The following KCNH5 variants were observed in gnomAD, a reference collection of about 807,000 sequenced individuals.
KCNH5 encodes the protein voltage-gated delayed rectifier potassium channel KCNH5.
In KCNH5, 46 loss-of-function variants were observed where a neutral mutation model predicts 96.1. The observed-to-expected ratio is 0.48, with a 90% CI of 0.38 to 0.61. KCNH5 has a LOEUF of 0.61. KCNH5 is among the 20% of genes least tolerant of loss of function. The pLI is 0.00. For synonymous variants in KCNH5, 439 were observed against 449.8 expected (o/e 0.98, Z 0.30); for missense variants, 907 against 1,225.8 (o/e 0.74, Z 3.88).
intron 10 of KCNH5, among the ~76,000 whole-genome samples, chr14:62,715,158 A>C (rs1212630945): frequency 6.6e-6 from 1 of 152,208 alleles, no homozygotes; most frequent in Non-Finnish European, 1.5e-5. Context: ...AAGTGATATC[A>C]AAATTGAATA....
At chr14:62,747,720 C>G (rs1025296846) in intron 10 of KCNH5, among the ~76,000 whole-genome samples, 1 of 152,174 alleles carries the variant, frequency 6.6e-6, no homozygotes. Context: ...GTGCCAAGAC[C>G]CTGACTTAAC....
intron 10 of KCNH5, among the ~76,000 whole-genome samples, chr14:62,713,987 A>G (rs1161812606): frequency 6.6e-6 from 1 of 152,178 alleles, no homozygotes; most frequent in Non-Finnish European, 1.5e-5. Flanking sequence ...GTTTCCTTTT[A>G]AGAAGGGCCT....
chr14:62,780,068 T>G, intron 9 of KCNH5, 144 bp from the exon 10 acceptor site: 1 of 488,476 alleles, frequency 2.0e-6, no homozygotes, highest in Non-Finnish European at 3.4e-6. Flanking sequence ...CACATAACAA[T>G]ACACAATGCT....
chr14:62,938,807 C>A (rs759565432), intron 7 of KCNH5, among the ~76,000 whole-genome samples: 1 of 152,172 alleles, frequency 6.6e-6, no homozygotes, highest in Non-Finnish European at 1.5e-5. Flanking sequence ...CTGACTAAAA[C>A]GTCTGTTCTA....
intron 7 of KCNH5, among the ~76,000 whole-genome samples, chr14:62,908,407 C>G (rs1023874915): frequency 1.3e-5 from 2 of 152,164 alleles, no homozygotes; most frequent in Admixed American, 6.5e-5. Context: ...ACAAAAAGAG[C>G]CTCCCTGGCC....
intron 10 of KCNH5, among the ~76,000 whole-genome samples, chr14:62,774,267 T>A (rs1055990250): frequency 6.6e-6 from 1 of 152,140 alleles, no homozygotes; most frequent in African/African-American, 2.4e-5. Context: ...TCCTGACATA[T>A]GCCAAAATTC....
At chr14:62,906,886 A>T (rs1393396547) in intron 7 of KCNH5, among the ~76,000 whole-genome samples, 1 of 152,186 alleles carries the variant, frequency 6.6e-6, no homozygotes, top group Non-Finnish European at 1.5e-5. Context: ...AACCGACCCC[A>T]AAGTGTTCTC....
chr14:62,948,769 T>A (rs1489015666), intron 7 of KCNH5, among the ~76,000 whole-genome samples: 3 of 149,384 alleles, frequency 2.0e-5, no homozygotes, highest in Admixed American at 2.0e-4. Context: ...AATAAAATAC[T>A]GGCAAACCGA....
intron 6 of KCNH5, among the ~76,000 whole-genome samples, chr14:62,974,833 T>G (rs935735584): frequency 6.6e-6 from 1 of 152,202 alleles, no homozygotes; most frequent in African/African-American, 2.4e-5. Flanking sequence ...TTCAGGTCAA[T>G]AAGTCACCAG....
At chr14:62,744,078 C>T (rs1026761143) in intron 10 of KCNH5, among the ~76,000 whole-genome samples, 1 of 152,122 alleles carries the variant, frequency 6.6e-6, no homozygotes, top group Admixed American at 6.6e-5. Flanking sequence ...GACAATCCTG[C>T]TTATTAACTT....
At chr14:62,741,481 A>G (rs951578642) in intron 10 of KCNH5, among the ~76,000 whole-genome samples, 1 of 152,132 alleles carries the variant, frequency 6.6e-6, no homozygotes, top group Admixed American at 6.6e-5. Context: ...AATTATCCAG[A>G]TTTTAGATTG....
Position 62,705,627 on chromosome 14 carries a change from A to T in KCNH5, c.*1881T>A, listed in dbSNP as rs1452578434. 1 of 152,058 alleles carries T rather than the reference A, an allele frequency of 6.6e-6. No individual in the cohort carries two copies. Among genetic ancestry groups the T allele is most frequent in the Non-Finnish European group, 1.5e-5 (1 of 67,910 alleles). The allele number at this position is 152,058 out of a possible 1,614,324, so 9.4% of individuals were successfully genotyped here. A position where few individuals can be genotyped will look rare whatever the true frequency, so the allele number is the denominator to read the frequency against. ...GAAAGGAAAATGGAGCCCATGGCTC[A>T]TATGTTTTGAGACTCCTAGATTAAA... On this transcript the variant is annotated 3_prime_UTR_variant, in exon 11 of 11. Coordinates refer to ENST00000322893, the MANE Select transcript of KCNH5 (RefSeq NM_139318.5).
intron 7 of KCNH5, among the ~76,000 whole-genome samples, chr14:62,890,023 A>G (rs551298303): frequency 2.0e-4 from 30 of 152,210 alleles, no homozygotes; most frequent in Non-Finnish European, 3.8e-4. Flanking sequence ...AGAACTGGCT[A>G]GCCATACGCA....
At chr14:63,039,265 C>T (rs1453237349) in intron 1 of KCNH5, among the ~76,000 whole-genome samples, 3 of 152,168 alleles carry the variant, frequency 2.0e-5, no homozygotes, top group Middle Eastern at 3.4e-3. Context: ...AAACAGTCTA[C>T]TCCCAATCCT....
intron 6 of KCNH5, among the ~76,000 whole-genome samples, chr14:62,954,193 T>C (rs942057275): frequency 1.3e-5 from 2 of 152,172 alleles, no homozygotes; most frequent in African/African-American, 4.8e-5. Flanking sequence ...TTACATACAG[T>C]TTATGACAAA....
intron 7 of KCNH5, among the ~76,000 whole-genome samples, chr14:62,911,627 T>C (rs1032819958): frequency 1.3e-5 from 2 of 151,680 alleles, no homozygotes; most frequent in African/African-American, 4.8e-5. Context: ...TAAAACAGAA[T>C]ACAAATTAGA....
chr14:62,891,250 T>C (rs1363514370), intron 7 of KCNH5, among the ~76,000 whole-genome samples: 2 of 152,204 alleles, frequency 1.3e-5, no homozygotes, highest in East Asian at 1.9e-4. Context: ...ATCATGTCTT[T>C]TGCAGGAATA....
At chr14:63,038,612 A>G (rs936981045) in intron 1 of KCNH5, among the ~76,000 whole-genome samples, 3 of 152,062 alleles carry the variant, frequency 2.0e-5, no homozygotes, top group African/African-American at 4.8e-5. Context: ...TCAACCTAAT[A>G]TATCACAAAA....
At chr14:62,948,607 T>C (rs1169021138) in intron 7 of KCNH5, among the ~76,000 whole-genome samples, 1 of 151,588 alleles carries the variant, frequency 6.6e-6, no homozygotes. Flanking sequence ...CCATTCCTTC[T>C]GAAACTATTC....
Sources: allele counts gnomAD v4.1 joint callset (sites outside exome capture counted in the v4.1 genomes callset), GRCh38; gene constraint gnomAD v4.1.1; transcripts MANE v1.5; gene names NCBI Gene and HGNC (gene_info 2026-07-23, HGNC 2026-07-21).